DSG1: variants seen among roughly 807,000 people sequenced by gnomAD.
The protein encoded by DSG1 is desmoglein-1.
In DSG1, 39 loss-of-function variants were observed where a neutral mutation model predicts 97.5. That is an observed-to-expected ratio of 0.40 (90% CI 0.31 to 0.52). DSG1 has a LOEUF of 0.52. Among genes scored for constraint, DSG1 ranks in the 20% least tolerant of loss-of-function variants. The pLI is 0.53. For missense variants in DSG1, 1,311 were observed against 1,295.4 expected, an observed-to-expected ratio of 1.01 and a Z score of -0.18; for synonymous variants, 475 against 443.4, an observed-to-expected ratio of 1.07 and a Z score of -0.90.
Position 31,343,484 on chromosome 18 carries a change from A to T in DSG1, c.1722A>T (p.Gly574=), listed in dbSNP as rs754548367. 1.9e-6 allele frequency: 3 copies of T among 1,614,142 alleles called. No individual in the cohort carries two copies. Among genetic ancestry groups the T allele is most frequent in the Non-Finnish European group, 2.5e-6 (3 of 1,180,022 alleles). Residue 574 remains glycine (G), a synonymous_variant, in exon 12 of 15, where the codon GGA becomes GGT. Transcript: ENST00000257192. ...TTTTGATGATCTGTTGTGATTGTGG[A>T]GGTGCTCCTCGTAGTGCAGCTGGCT... ...VPFLMICCDC[G]GAPRSAAGFE...
intron 1 of DSG1, among the ~76,000 whole-genome samples, chr18:31,326,055 A>G (rs932193768): frequency 2.6e-5 from 4 of 151,914 alleles, no homozygotes; most frequent in Admixed American, 6.6e-5. Flanking sequence ...TAATAAAAAC[A>G]TTATCTTTTT....
intron 11 of DSG1, among the ~76,000 whole-genome samples, chr18:31,342,898 A>ATTTT (rs57090132): frequency 2.4e-5 from 2 of 82,802 alleles, no homozygotes; most frequent in African/African-American, 3.3e-5. Context: ...ACTATCTGTG[A>ATTTT]TTTTTTTTTT....
At position 31,318,212 on chromosome 18, in the gene DSG1, T is replaced by C. The variant is rs141356502; in HGVS notation, c.-89T>C. Reference sequence around the variant, plus strand: ...AACATCTACTGAGAAATTATTTTAATCAGACACCAGCTGAGTGGGAGAAAG... The same window carrying C: ...AACATCTACTGAGAAATTATTTTAACCAGACACCAGCTGAGTGGGAGAAAG... On this transcript the variant is annotated 5_prime_UTR_variant, in exon 1 of 15. Coordinates refer to ENST00000257192, the MANE Select transcript of DSG1 (RefSeq NM_001942.4). The C allele has an allele frequency of 4.5e-4, 512 of 1,150,250 alleles. 2 individuals carry two copies. The African/African-American group carries it at 6.8e-3, about 15-fold the overall frequency. The allele number at this position is 1,150,250 out of a possible 1,614,324, so 71.3% of individuals were successfully genotyped here.
At chr18:31,318,436 C>T (rs2071633617) in intron 1 of DSG1, 88 bp downstream of exon 1, 1 of 1,006,918 alleles carries the variant, frequency 9.9e-7, no homozygotes. Context: ...GGCATTATTT[C>T]TAACCTAAAC....
chr18:31,339,806 G>A lies in DSG1; in HGVS notation c.1468G>A (p.Asp490Asn), dbSNP rs750427281. ...NINIQSFGNDDRTNTEPNTKI... is the reference protein window; with the variant it reads ...NINIQSFGNDNRTNTEPNTKI... ...TAACATTCAAAGTTTTGGTAATGAC[G>A]ACAGGACTAATACAGAGCCGAACAC... The change falls in exon 11 of 15, where the codon GAC becomes AAC. Residue 490 changes from aspartate to asparagine, a missense_variant. Physicochemically the swap from Asp to Asn is conservative, Grantham distance 23. Coordinates refer to ENST00000257192, the MANE Select transcript of DSG1 (RefSeq NM_001942.4). 1.5e-5 allele frequency: 25 copies of A among 1,613,114 alleles called. No individual in the cohort carries two copies. Among genetic ancestry groups the A allele is most frequent in the South Asian group, 4.4e-5 (4 of 91,022 alleles).
chr18:31,328,417 C>T, intron 4 of DSG1, 73 bp downstream of exon 4: 3 of 1,472,122 alleles, frequency 2.0e-6, no homozygotes, highest in East Asian at 2.3e-5. Flanking sequence ...TCAGATCATA[C>T]TTAATTTGAT....
At position 31,357,392 on chromosome 18, in the gene DSG1, C is replaced by T. The variant is rs1464602194; in HGVS notation, c.*2046C>T. ...GTCAAAAGGTATTTATTAAGACATA[C>T]TTGAGTATGCCTGGGTCCAGGAGTT... On this transcript the variant is annotated 3_prime_UTR_variant, in exon 15 of 15. Coordinates refer to ENST00000257192, the MANE Select transcript of DSG1 (RefSeq NM_001942.4). Among the ~76,000 whole-genome samples the T allele has an allele frequency of 6.6e-6, 1 of 151,910 alleles. No homozygotes were observed. The highest frequency in any genetic ancestry group is 1.5e-5 in the Non-Finnish European group (1 of 67,892).
chr18:31,331,567 G>A (rs1412328188), intron 5 of DSG1, 134 bp from the exon 6 acceptor site: 1 of 743,988 alleles, frequency 1.3e-6, no homozygotes, highest in African/African-American at 1.8e-5. Context: ...TATGTTGAAG[G>A]AGTAGAAAGG....
chr18:31,320,365 C>T (rs7235354), intron 1 of DSG1, among the ~76,000 whole-genome samples: 60,769 of 151,944 alleles, frequency 0.4, 13,351 homozygotes, highest in Non-Finnish European at 0.49. Context: ...CATTAGGAAG[C>T]GTATTTGTAC....
intron 14 of DSG1, among the ~76,000 whole-genome samples, chr18:31,351,390 T>A (rs1244187699): frequency 6.8e-6 from 1 of 147,324 alleles, no homozygotes; most frequent in Non-Finnish European, 1.5e-5. Context: ...TACTTCCCAG[T>A]ATGTGGTCAA....
At position 31,333,597 on chromosome 18, in the gene DSG1, C is replaced by A; in HGVS notation, c.693C>A (p.Gly231=). The A allele has an allele frequency of 6.2e-7, 1 of 1,613,758 alleles. No homozygotes were observed. The highest frequency in any genetic ancestry group is 8.5e-7 in the Non-Finnish European group (1 of 1,179,784). The change falls in exon 7 of 15, where the codon GGC becomes GGA. Residue 231 remains glycine (G), a synonymous_variant. Coordinates refer to ENST00000257192, the MANE Select transcript of DSG1 (RefSeq NM_001942.4). ...GTAATATGTATTTTTAGCAATACGG[C>A]CAGTATGCTCTTGCTGTAAGAGGCT... ...MNNFLDREQY[G]QYALAVRGSD...
chr18:31,346,689 C>G (rs957302511), intron 14 of DSG1, among the ~76,000 whole-genome samples: 1 of 152,140 alleles, frequency 6.6e-6, no homozygotes, highest in African/African-American at 2.4e-5. Flanking sequence ...ACAGTTAACC[C>G]TCTCATCCAA....
At position 31,333,714 on chromosome 18, in the gene DSG1, A is replaced by G; in HGVS notation, c.810A>G (p.Glu270=). 1 of 1,613,762 alleles carries G rather than the reference A, an allele frequency of 6.2e-7. No homozygotes were observed. The highest frequency in any genetic ancestry group is 8.5e-7 in the Non-Finnish European group (1 of 1,179,662). Residue 270 remains glutamate, a synonymous_variant, in exon 7 of 15, where the codon GAA becomes GAG. Transcript: ENST00000257192. The part of the protein sequence containing the change: ...LDVNDNIPYM[E]QSSYTIEIQE... ...TCAATGATAATATCCCTTACATGGA[A>G]CAGTCTTCAGTAAGTATTTGTTCTT...
rs1463525823 is a variant in DSG1, at chr18:31,358,438, AT to A, written c.*3095del. Reference sequence around the variant, plus strand: ...ATCTTCATCTAGACATCTGTTCTACATTTGTGTATAAAGTTTTTAGCATCAT... The same window carrying A: ...ATCTTCATCTAGACATCTGTTCTACATTGTGTATAAAGTTTTTAGCATCAT... On this transcript the variant is annotated 3_prime_UTR_variant, in exon 15 of 15. Transcript: ENST00000257192. Among the ~76,000 whole-genome samples, 17 of 152,188 alleles carry A rather than the reference AT, an allele frequency of 1.1e-4. No individual in the cohort carries two copies. The highest frequency in any genetic ancestry group is 4.1e-4 in the African/African-American group (17 of 41,576).
At position 31,339,362 on chromosome 18, in the gene DSG1, A is replaced by G. The variant is rs184730175; in HGVS notation, c.1406-382A>G. Among the ~76,000 whole-genome samples the G allele has an allele frequency of 1.2e-3, 182 of 152,230 alleles. No individual in the cohort carries two copies. In the Middle Eastern group the frequency reaches 0.017, roughly 14 times the overall value. ...AAGCAACCATTCGGCATTATAATTA[A>G]GGACAAAAGATCATTTTTAAAAATA... On this transcript the variant is annotated intron_variant, in intron 10 of 14. Coordinates refer to ENST00000257192, the MANE Select transcript of DSG1 (RefSeq NM_001942.4).
intron 11 of DSG1, among the ~76,000 whole-genome samples, chr18:31,342,339 C>T (rs1220092709): frequency 6.6e-6 from 1 of 152,100 alleles, no homozygotes; most frequent in African/African-American, 2.4e-5. Context: ...CCAAAGTTTC[C>T]TCTAGTAGAT....
intron 14 of DSG1, among the ~76,000 whole-genome samples, chr18:31,352,697 C>G (rs1366025158): frequency 2.0e-5 from 3 of 149,272 alleles, no homozygotes; most frequent in African/African-American, 7.7e-5. Flanking sequence ...CTAAACTTCC[C>G]TTCTCGCTTC....
intron 9 of DSG1, among the ~76,000 whole-genome samples, chr18:31,337,719 A>C (rs1598705220): frequency 1.3e-5 from 2 of 151,072 alleles, no homozygotes; most frequent in African/African-American, 2.4e-5. Flanking sequence ...AGAATGCCAG[A>C]GAGAGAGAGA....
intron 9 of DSG1, 74 bp from the exon 10 acceptor site, chr18:31,338,241 A>G: frequency 2.0e-6 from 3 of 1,464,936 alleles, no homozygotes; most frequent in Middle Eastern, 1.9e-4. Flanking sequence ...ACTGAAAAAA[A>G]CAATACATTT....
Sources: gnomAD v4.1 joint callset for allele counts (sites outside exome capture counted in the v4.1 genomes callset) on GRCh38, gnomAD v4.1.1 for gene constraint, MANE v1.5 for transcripts, NCBI Gene and HGNC (gene_info 2026-07-23, HGNC 2026-07-21) for gene names.